The following OR1I1 variants were observed in gnomAD, a reference collection of about 807,000 sequenced individuals.
OR1I1 encodes olfactory receptor family 1 subfamily I member 1.
For missense variants in OR1I1, 451 were observed against 443.6 expected (o/e 1.02, Z -0.15); for synonymous variants, 171 against 181.4 (o/e 0.94, Z 0.46).
At position 15,090,144 on chromosome 19, in the gene OR1I1, A is replaced by G. The variant is rs187174739; in HGVS notation, c.*2011A>G. On this transcript the variant is annotated 3_prime_UTR_variant, in exon 2 of 2. Coordinates refer to ENST00000641398, the MANE Select transcript of OR1I1 (RefSeq NM_001004713.2). ...AGCCAGGAGAGGCGTGGAACAGGCT[A>G]TCCCTCTCAGCCCTCAGAAGGAACC... 1 of 151,114 alleles carries G rather than the reference A, an allele frequency of 6.6e-6. No individual in the cohort carries two copies. 9.4% of individuals were successfully genotyped at this position (151,114 alleles called of 1,614,324 possible).
Position 15,085,153 on chromosome 19 carries a change from TATATATATATATA to T in OR1I1, c.-13-1899_-13-1887del, listed in dbSNP as rs2046224102. ...ACTTATATATATATATATATATATATATATATATATATATATATATATATTTTTTTTTTTGAGA... is the reference window on the plus strand; with the variant it reads ...ACTTATATATATATATATATATATATTATATATATATTTTTTTTTTTGAGA... On this transcript the variant is annotated intron_variant, in intron 1 of 1. Transcript: ENST00000641398. Among the ~76,000 whole-genome samples the T allele has an allele frequency of 8.1e-4, 44 of 54,088 alleles. 2 individuals are homozygous for T. The highest frequency in any genetic ancestry group is 2.7e-3 in the African/African-American group (41 of 15,352). 35.5% of individuals were successfully genotyped at this position (54,088 alleles called of 152,430 possible).
rs1555718125 is a variant in OR1I1, at chr19:15,092,134, T to TTTTTTC, written c.*4001_*4002insTTTTTC. On this transcript the variant is annotated 3_prime_UTR_variant, in exon 2 of 2. Coordinates refer to ENST00000641398, the MANE Select transcript of OR1I1 (RefSeq NM_001004713.2). ...TTGGTTTTTGGTTGTTTTTTTTTTTTCCCCGGAAACTTGTATTCTAGCTGT... is the reference window on the plus strand; with the variant it reads ...TTGGTTTTTGGTTGTTTTTTTTTTTTTTTTTCCCCCGGAAACTTGTATTCTAGCTGT... The TTTTTTC allele has an allele frequency of 7.9e-6, 1 of 126,022 alleles. No individual in the cohort carries two copies. The allele number at this position is 126,022 out of a possible 1,614,324, so 7.8% of individuals were successfully genotyped here.
At chr19:15,082,347 G>A (rs1406102915) in intron 1 of OR1I1, 71 bp downstream of exon 1, 2 of 152,334 alleles carry the variant, frequency 1.3e-5, no homozygotes, top group African/African-American at 2.4e-5. Flanking sequence ...TGGTGGAGAA[G>A]GAGGCTTCCC....
chr19:15,086,375 C>T (rs1039234138), intron 1 of OR1I1, among the ~76,000 whole-genome samples: 12 of 152,096 alleles, frequency 7.9e-5, no homozygotes, highest in African/African-American at 2.9e-4. Context: ...GAAGGAAAAA[C>T]AGAAGATGGT....
At chr19:15,084,234 T>C (rs2046219973) in intron 1 of OR1I1, among the ~76,000 whole-genome samples, 1 of 152,098 alleles carries the variant, frequency 6.6e-6, no homozygotes, top group African/African-American at 2.4e-5. Flanking sequence ...ACAATCTCCC[T>C]GTGGGAGTTA....
Position 15,088,216 on chromosome 19 carries a change from C to T in OR1I1, c.*83C>T, listed in dbSNP as rs2145305102. ...ACCCAAAGGAAAGGTGTGCATTTTCCCCAGGATTTATCTTCCCCAAAAAGA... is the reference window on the plus strand; with the variant it reads ...ACCCAAAGGAAAGGTGTGCATTTTCTCCAGGATTTATCTTCCCCAAAAAGA... On this transcript the variant is annotated 3_prime_UTR_variant, in exon 2 of 2. Coordinates refer to ENST00000641398, the MANE Select transcript of OR1I1 (RefSeq NM_001004713.2). 6.9e-6 allele frequency: 10 copies of T among 1,452,110 alleles called. No individual in the cohort carries two copies. The highest frequency in any genetic ancestry group is 9.1e-6 in the Non-Finnish European group (10 of 1,099,246). The allele number at this position is 1,452,110 out of a possible 1,614,324, so 90.0% of individuals were successfully genotyped here. A position where few individuals can be genotyped will look rare whatever the true frequency, so the allele number is the denominator to read the frequency against.
At position 15,087,389 on chromosome 19, in the gene OR1I1, G is replaced by A. The variant is rs76600500; in HGVS notation, c.324G>A (p.Gly108=). Residue 108 remains glycine (G), a synonymous_variant, in exon 2 of 2, where the codon GGG becomes GGA. Coordinates refer to ENST00000641398, the MANE Select transcript of OR1I1 (RefSeq NM_001004713.2). ...AGATGTATGCCTTCCACCTGTTCGG[G>A]ACCATGGACAGCTTTCTCCTGGCAG... The part of the protein sequence containing the change: ...LTQMYAFHLF[G]TMDSFLLAVM... The A allele has an allele frequency of 7.6e-4, 1,232 of 1,614,154 alleles. 16 individuals are homozygous for A. In the East Asian group the frequency reaches 0.021, roughly 28 times the overall value.
At position 15,088,114 on chromosome 19, in the gene OR1I1, G is replaced by A; in HGVS notation, c.1049G>A (p.Gly350Glu). Residue 350 changes from glycine (G) to glutamate (E), a missense_variant, in exon 2 of 2, where the codon GGG becomes GAG. Gly to Glu is a moderately conservative substitution (Grantham distance 98). Transcript: ENST00000641398. ...PYPGGVQSLA[G>E]NRDME The stretch of plus-strand genomic sequence containing the variant: ...CCTGGAGGAGTTCAGAGTCTAGCTG[G>A]GAACAGAGACATGGAATAAATCCTT... 6.4e-7 allele frequency: 1 copy of A among 1,556,026 alleles called. No individual in the cohort carries two copies. Among genetic ancestry groups the A allele is most frequent in the Non-Finnish European group, 8.7e-7 (1 of 1,148,262 alleles).
rs1182276262 is a variant in OR1I1, at chr19:15,091,494, C to T, written c.*3361C>T. On this transcript the variant is annotated 3_prime_UTR_variant, in exon 2 of 2. Coordinates refer to ENST00000641398, the MANE Select transcript of OR1I1 (RefSeq NM_001004713.2). ...CTAACATGGTGAAACCCCATCTCTA[C>T]TAAAAATACAAAAAATTAGCCGGAC... 6.6e-6 allele frequency: 1 copy of T among 152,234 alleles called. No individual in the cohort carries two copies. Among genetic ancestry groups the T allele is most frequent in the African/African-American group, 2.4e-5 (1 of 41,446 alleles). The allele number at this position is 152,234 out of a possible 1,614,324, so 9.4% of individuals were successfully genotyped here.
chr19:15,086,043 G>A (rs1054531329), intron 1 of OR1I1, among the ~76,000 whole-genome samples: 7 of 152,240 alleles, frequency 4.6e-5, no homozygotes, highest in African/African-American at 4.8e-5. Context: ...GGCCAGGCGC[G>A]GTGCCTCATG....
chr19:15,082,794 T>A (rs1335454770), intron 1 of OR1I1, among the ~76,000 whole-genome samples: 1 of 150,558 alleles, frequency 6.6e-6, no homozygotes, highest in African/African-American at 2.4e-5. Flanking sequence ...GGCGGGGGGA[T>A]TGTTTTGTTT....
At chr19:15,086,200 G>A (rs375547238) in intron 1 of OR1I1, among the ~76,000 whole-genome samples, 5 of 152,098 alleles carry the variant, frequency 3.3e-5, no homozygotes, top group Admixed American at 6.5e-5. Flanking sequence ...TGTAATCCCC[G>A]CTACTTGGGA....
intron 1 of OR1I1, among the ~76,000 whole-genome samples, chr19:15,084,583 G>A (rs2046221209): frequency 1.3e-5 from 2 of 151,640 alleles, no homozygotes; most frequent in South Asian, 2.1e-4. Context: ...GAAAGAAACC[G>A]GCTCCTCATC....
Position 15,087,331 on chromosome 19 carries a change from G to A in OR1I1, c.266G>A (p.Ser89Asn). 1 of 1,614,116 alleles carries A rather than the reference G, an allele frequency of 6.2e-7. No individual in the cohort carries two copies. Among genetic ancestry groups the A allele is most frequent in the Non-Finnish European group, 8.5e-7 (1 of 1,180,002 alleles). Residue 89 changes from serine to asparagine, a missense_variant, in exon 2 of 2, where the codon AGC (serine) becomes AAC (asparagine). Coordinates refer to ENST00000641398, the MANE Select transcript of OR1I1 (RefSeq NM_001004713.2). The part of the protein sequence containing the change: ...PKMLANIQAQ[S>N]RAIPFVGCLT... The stretch of plus-strand genomic sequence containing the variant: ...ATGCTAGCGAACATCCAGGCTCAGA[G>A]CAGAGCCATCCCCTTTGTGGGCTGC...
intron 1 of OR1I1, among the ~76,000 whole-genome samples, chr19:15,084,677 C>T (rs964592418): frequency 6.6e-6 from 1 of 151,986 alleles, no homozygotes; most frequent in African/African-American, 2.4e-5. Flanking sequence ...ACACGTTTAC[C>T]TATGTAACAA....
intron 1 of OR1I1, among the ~76,000 whole-genome samples, chr19:15,085,156 A>AT (rs2046224308): frequency 2.8e-5 from 1 of 35,664 alleles, no homozygotes; most frequent in African/African-American, 2.1e-4. Context: ...ATATATATAT[A>AT]TATATATATA....
intron 1 of OR1I1, among the ~76,000 whole-genome samples, chr19:15,085,160 A>T (rs540872905): frequency 0.031 from 1,114 of 35,752 alleles, 63 homozygotes; most frequent in African/African-American, 0.21. Flanking sequence ...ATATATATAT[A>T]TATATATATA....
At position 15,092,301 on chromosome 19, in the gene OR1I1, G is replaced by C. The variant is rs1038256021; in HGVS notation, c.*4168G>C. 2 of 152,140 alleles carry C rather than the reference G, an allele frequency of 1.3e-5. No homozygotes were observed. The highest frequency in any genetic ancestry group is 2.9e-5 in the Non-Finnish European group (2 of 68,170). 9.4% of individuals were successfully genotyped at this position (152,140 alleles called of 1,614,324 possible). A position where few individuals can be genotyped will look rare whatever the true frequency, so the allele number is the denominator to read the frequency against. ...TGTGGCCTGAGCCCAGAGTGACAGG[G>C]AAGCTGGGTTTGCAGGGGGCCCGTG... On this transcript the variant is annotated 3_prime_UTR_variant, in exon 2 of 2. Coordinates refer to ENST00000641398, the MANE Select transcript of OR1I1 (RefSeq NM_001004713.2).
rs949353806 is a variant in OR1I1 at position 15,089,622 on chromosome 19, A to C, written c.*1489A>C. 2 of 152,148 alleles carry C rather than the reference A, an allele frequency of 1.3e-5. No individual in the cohort carries two copies. Among genetic ancestry groups the C allele is most frequent in the African/African-American group, 4.8e-5 (2 of 41,438 alleles). The allele number at this position is 152,148 out of a possible 1,614,324, so 9.4% of individuals were successfully genotyped here. ...GAGAATCATTTGAAGCTAGGAGTTC[A>C]GGACCAGCCTGAACAACATAGTGAG... On this transcript the variant is annotated 3_prime_UTR_variant, in exon 2 of 2. Transcript: ENST00000641398.
Sources: allele counts gnomAD v4.1 joint callset (sites outside exome capture counted in the v4.1 genomes callset), GRCh38; gene constraint gnomAD v4.1.1; transcripts MANE v1.5; gene names NCBI Gene and HGNC (gene_info 2026-07-23, HGNC 2026-07-21).